CDH12: variants seen among roughly 807,000 people sequenced by gnomAD.
CDH12 encodes the protein cadherin-12.
In CDH12, 41 loss-of-function variants were observed where a neutral mutation model predicts 74.1. That is an observed-to-expected ratio of 0.55 (90% CI 0.43 to 0.72). CDH12 has a LOEUF of 0.72. Among genes scored for constraint, CDH12 ranks in the 30% least tolerant of loss-of-function variants. The pLI, the probability that CDH12 is intolerant of heterozygous loss-of-function variation, is 0.00. For missense variants in CDH12, 945 were observed against 977.2 expected, an observed-to-expected ratio of 0.97 and a Z score of 0.44; for synonymous variants, 399 against 355.0, an observed-to-expected ratio of 1.12 and a Z score of -1.39.
chr5:22,032,572 A>G (rs373988288), intron 5 of CDH12, among the ~76,000 whole-genome samples: 1 of 151,718 alleles, frequency 6.6e-6, no homozygotes, highest in East Asian at 1.9e-4. Context: ...TTAGTTGGGC[A>G]TGGTGGTGCA....
chr5:22,040,173 A>C (rs1419856207), intron 5 of CDH12, among the ~76,000 whole-genome samples: 1 of 151,998 alleles, frequency 6.6e-6, no homozygotes, highest in Admixed American at 6.6e-5. Flanking sequence ...AAGTAAAAAA[A>C]AATTACAGTA....
intron 2 of CDH12, among the ~76,000 whole-genome samples, chr5:22,486,441 T>C (rs1369547340): frequency 6.7e-6 from 1 of 149,174 alleles, no homozygotes; most frequent in African/African-American, 2.5e-5. Context: ...AAGTGGTAAC[T>C]AGTAATTTTT....
chr5:22,208,806 C>A (rs1751368576), intron 4 of CDH12, among the ~76,000 whole-genome samples: 2 of 152,158 alleles, frequency 1.3e-5, no homozygotes, highest in Non-Finnish European at 2.9e-5. Flanking sequence ...GTTACCATTA[C>A]AAGCTCTTCT....
chr5:22,058,757 A>C (rs993934090), intron 5 of CDH12, among the ~76,000 whole-genome samples: 1 of 133,410 alleles, frequency 7.5e-6, no homozygotes, highest in Non-Finnish European at 1.7e-5. Flanking sequence ...GGAAAGTGGA[A>C]GGAAGGAAGG....
chr5:22,511,514 CAAT>C (rs1190757293), intron 1 of CDH12, among the ~76,000 whole-genome samples: 1 of 151,906 alleles, frequency 6.6e-6, no homozygotes, highest in East Asian at 1.9e-4. Flanking sequence ...AAAAAAAGCA[CAAT>C]AATAACACAT....
chr5:22,279,338 T>C (rs1467528574), intron 3 of CDH12, among the ~76,000 whole-genome samples: 1 of 152,214 alleles, frequency 6.6e-6, no homozygotes, highest in African/African-American at 2.4e-5. Flanking sequence ...TGGTCATTTC[T>C]GATGTCATAA....
intron 1 of CDH12, among the ~76,000 whole-genome samples, chr5:22,543,824 T>C (rs1227769460): frequency 2.6e-5 from 4 of 152,168 alleles, no homozygotes; most frequent in East Asian, 3.9e-4. Flanking sequence ...TCTGTATCAA[T>C]GCTCATACTT....
chr5:22,423,795 A>G (rs1743760993), intron 2 of CDH12, among the ~76,000 whole-genome samples: 1 of 151,954 alleles, frequency 6.6e-6, no homozygotes, highest in African/African-American at 2.4e-5. Flanking sequence ...CGAGGTCAGG[A>G]GATGGAGACC....
At position 22,078,752 on chromosome 5, in the gene CDH12, TG is replaced by T. The variant is rs367792088; in HGVS notation, c.-77del. 155 of 1,559,566 alleles carry T rather than the reference TG, an allele frequency of 9.9e-5. 1 individual carries two copies. In the East Asian group the frequency reaches 3.3e-3, roughly 33 times the overall value. ...AGAATTGTGGAATCCAGGTTTGAGG[TG>T]TCTGTGGCCTCCACCACTTAGCTTC... is the stretch of plus-strand genomic sequence containing the variant. On this transcript the variant is annotated 5_prime_UTR_variant, in exon 5 of 15. Coordinates refer to ENST00000382254, the MANE Select transcript of CDH12 (RefSeq NM_004061.5).
At chr5:22,781,537 A>T (rs1021776093) in intron 1 of CDH12, among the ~76,000 whole-genome samples, 3 of 151,992 alleles carry the variant, frequency 2.0e-5, no homozygotes, top group Non-Finnish European at 2.9e-5. Context: ...CCTTGCACTG[A>T]CCTATCTTCC....
intron 1 of CDH12, among the ~76,000 whole-genome samples, chr5:22,768,716 T>C (rs1746649218): frequency 6.6e-6 from 1 of 152,106 alleles, no homozygotes; most frequent in Non-Finnish European, 1.5e-5. Context: ...TCTCTGCCAC[T>C]GATTTCCTAT....
chr5:22,454,176 T>A (rs865925142), intron 2 of CDH12, among the ~76,000 whole-genome samples: 27 of 152,186 alleles, frequency 1.8e-4, no homozygotes, highest in South Asian at 6.2e-4. Context: ...TTTATTTTTG[T>A]CATTAGAAAT....
chr5:21,974,640 G>A (rs1756985074), intron 6 of CDH12, among the ~76,000 whole-genome samples: 1 of 152,116 alleles, frequency 6.6e-6, no homozygotes, highest in Non-Finnish European at 1.5e-5. Context: ...TCTATTTACA[G>A]CTACAAAAGA....
intron 4 of CDH12, among the ~76,000 whole-genome samples, chr5:22,168,765 A>G (rs1580351630): frequency 6.7e-6 from 1 of 148,952 alleles, no homozygotes; most frequent in Admixed American, 6.8e-5. Context: ...GATATATGTC[A>G]TATATAAAAA....
chr5:22,132,245 G>A (rs1746214187), intron 4 of CDH12, among the ~76,000 whole-genome samples: 1 of 151,872 alleles, frequency 6.6e-6, no homozygotes, highest in East Asian at 1.9e-4. Flanking sequence ...TTAGTTAGGA[G>A]GAGGAAATGA....
chr5:22,054,936 A>T (rs1189705540), intron 5 of CDH12, among the ~76,000 whole-genome samples: 1 of 152,182 alleles, frequency 6.6e-6, no homozygotes, highest in Non-Finnish European at 1.5e-5. Flanking sequence ...ATAGAATTAT[A>T]ACAACGTAGT....
intron 1 of CDH12, among the ~76,000 whole-genome samples, chr5:22,536,217 A>G (rs1255396456): frequency 6.6e-6 from 1 of 152,214 alleles, no homozygotes; most frequent in Non-Finnish European, 1.5e-5. Flanking sequence ...ACCCCATCAC[A>G]ACGTATGTAC....
chr5:22,259,708 G>A (rs2150392912), intron 3 of CDH12, among the ~76,000 whole-genome samples: 2 of 151,768 alleles, frequency 1.3e-5, no homozygotes, highest in Middle Eastern at 6.8e-3. Flanking sequence ...TTGATCTGGA[G>A]GTAATTTAAG....
intron 2 of CDH12, among the ~76,000 whole-genome samples, chr5:22,442,256 G>T (rs1280415030): frequency 1.3e-5 from 2 of 152,088 alleles, no homozygotes; most frequent in Admixed American, 1.3e-4. Flanking sequence ...AAGAGGAAAC[G>T]TAAGAGATCT....
Sources: gnomAD v4.1 joint callset for allele counts (sites outside exome capture counted in the v4.1 genomes callset) on GRCh38, gnomAD v4.1.1 for gene constraint, MANE v1.5 for transcripts, NCBI Gene and HGNC (gene_info 2026-07-23, HGNC 2026-07-21) for gene names.